Variants in FBXL7 observed in about 807,000 individuals in gnomAD.
FBXL7 encodes F-box and leucine rich repeat protein 7, also known as F-box/LRR-repeat protein 7.
FBXL7 carries 12 observed loss-of-function variants against 38.3 expected under a neutral mutation model. The observed-to-expected ratio is 0.31, with a 90% CI of 0.20 to 0.51. FBXL7 has a LOEUF of 0.51. FBXL7 is among the 20% of genes least tolerant of loss of function. FBXL7 has a pLI of 0.98. For synonymous variants in FBXL7, 297 were observed against 300.9 expected, an observed-to-expected ratio of 0.99 and a Z score of 0.13; for missense variants, 567 against 676.4, an observed-to-expected ratio of 0.84 and a Z score of 1.79.
At chr5:15,663,839 T>G (rs543263859) in intron 2 of FBXL7, among the ~76,000 whole-genome samples, 23 of 152,364 alleles carry the variant, frequency 1.5e-4, no homozygotes, top group African/African-American at 5.3e-4. Flanking sequence ...TAGCGAATTT[T>G]AAGTATACCA....
At chr5:15,848,686 T>C (rs1738998420) in intron 2 of FBXL7, among the ~76,000 whole-genome samples, 2 of 152,212 alleles carry the variant, frequency 1.3e-5, no homozygotes. Flanking sequence ...GGCCGCATGT[T>C]TAATGGAATC....
chr5:15,802,018 T>C (rs866129095), intron 2 of FBXL7, among the ~76,000 whole-genome samples: 4 of 152,078 alleles, frequency 2.6e-5, no homozygotes, highest in Non-Finnish European at 5.9e-5. Context: ...AAGAAAGCCT[T>C]CAACATGAGA....
At chr5:15,693,982 C>T (rs1322487140) in intron 2 of FBXL7, among the ~76,000 whole-genome samples, 1 of 152,174 alleles carries the variant, frequency 6.6e-6, no homozygotes, top group East Asian at 1.9e-4. Flanking sequence ...AGCCCTCTGT[C>T]GTTACAATAA....
intron 1 of FBXL7, among the ~76,000 whole-genome samples, chr5:15,525,812 A>C (rs1433204370): frequency 1.3e-5 from 2 of 152,176 alleles, no homozygotes; most frequent in African/African-American, 4.8e-5. Flanking sequence ...ATTCCAGCCT[A>C]TGGCATCTCT....
intron 2 of FBXL7, among the ~76,000 whole-genome samples, chr5:15,643,452 G>A (rs1450062374): frequency 6.6e-6 from 1 of 152,182 alleles, no homozygotes; most frequent in Non-Finnish European, 1.5e-5. Flanking sequence ...TCCAAGGCAA[G>A]GGCATAGAAA....
chr5:15,630,326 C>G (rs1740957335), intron 2 of FBXL7, among the ~76,000 whole-genome samples: 1 of 152,136 alleles, frequency 6.6e-6, no homozygotes, highest in Non-Finnish European at 1.5e-5. Context: ...CTTTTAACTT[C>G]AATACATTTA....
Position 15,619,290 on chromosome 5 carries a change from G to A in FBXL7, c.127+3218G>A, listed in dbSNP as rs961143734. Among the ~76,000 whole-genome samples the A allele has an allele frequency of 1.2e-4, 19 of 152,130 alleles. 1 individual carries two copies. Among genetic ancestry groups the A allele is most frequent in the Non-Finnish European group, 1.5e-5 (1 of 68,016 alleles). ...CTGTATTCAGTTAACAACTTTTAAT[G>A]TTAACAGGTGTGGACCATCAGGAGA... On this transcript the variant is annotated intron_variant, in intron 2 of 3. Transcript: ENST00000504595.
chr5:15,702,218 CAAAGCGAGACTCCTCTCAA>C (rs1561091731), intron 2 of FBXL7, among the ~76,000 whole-genome samples: 1 of 130,546 alleles, frequency 7.7e-6, no homozygotes, highest in African/African-American at 2.9e-5. Context: ...AGCCTGGAAA[CAAAGCGAGACTCCTCTCAA>C]AAAAAAAAAA....
At chr5:15,660,754 G>A (rs190287583) in intron 2 of FBXL7, among the ~76,000 whole-genome samples, 6 of 152,216 alleles carry the variant, frequency 3.9e-5, no homozygotes, top group Admixed American at 3.3e-4. Flanking sequence ...TTAATTTAAT[G>A]TTATTACTAC....
At chr5:15,515,284 C>G (rs968169814) in intron 1 of FBXL7, among the ~76,000 whole-genome samples, 5 of 152,174 alleles carry the variant, frequency 3.3e-5, no homozygotes, top group Admixed American at 3.3e-4. Context: ...TGAGGAAATT[C>G]AAATTCTGTG....
intron 2 of FBXL7, among the ~76,000 whole-genome samples, chr5:15,685,567 C>T (rs185171548): frequency 1.7e-4 from 26 of 152,254 alleles, no homozygotes; most frequent in African/African-American, 5.3e-4. Context: ...TCTATTTCTA[C>T]AATACTGGCA....
rs529807245 is a variant in FBXL7 at position 15,530,115 on chromosome 5, G to T, written c.37+29402G>T. ...CTGGAGAAGGTACAGCAGAATGATA[G>T]AAACAACTTTGTTCCCTGTGGTAAT... On this transcript the variant is annotated intron_variant, in intron 1 of 3. Transcript: ENST00000504595. Among the ~76,000 whole-genome samples, 13 of 152,304 alleles carry T rather than the reference G, an allele frequency of 8.5e-5. No homozygotes were observed. The East Asian group carries it at 2.5e-3, about 29-fold the overall frequency.
At chr5:15,578,279 C>A (rs1348758347) in intron 1 of FBXL7, among the ~76,000 whole-genome samples, 1 of 151,876 alleles carries the variant, frequency 6.6e-6, no homozygotes, top group East Asian at 1.9e-4. Flanking sequence ...TTTGAAATAA[C>A]GAATGTATTT....
At position 15,737,115 on chromosome 5, in the gene FBXL7, C is replaced by G. The variant is rs551095897; in HGVS notation, c.127+121043C>G. ...CAGCATTTAAGATTTGAGCCCCAGC[C>G]CCCTCATTCCAGAATCCTCTTAATC... On this transcript the variant is annotated intron_variant, in intron 2 of 3. Transcript: ENST00000504595. 6.1e-4 allele frequency among the ~76,000 whole-genome samples: 93 copies of G among 152,236 alleles called. 1 individual carries two copies. Among genetic ancestry groups the G allele is most frequent in the African/African-American group, 2.1e-3 (89 of 41,556 alleles).
At chr5:15,888,197 TTTA>T (rs1368926263) in intron 2 of FBXL7, among the ~76,000 whole-genome samples, 1 of 10,536 alleles carries the variant, frequency 9.5e-5, no homozygotes, top group Non-Finnish European at 3.8e-4. Context: ...TAAACACCAC[TTTA>T]TTTATTTATT....
chr5:15,759,315 A>G (rs978695496), intron 2 of FBXL7, among the ~76,000 whole-genome samples: 2 of 152,194 alleles, frequency 1.3e-5, no homozygotes, highest in African/African-American at 4.8e-5. Flanking sequence ...ATCCAGTCCT[A>G]TTAAATAATT....
chr5:15,789,216 G>C (rs920393546), intron 2 of FBXL7, among the ~76,000 whole-genome samples: 1 of 151,316 alleles, frequency 6.6e-6, no homozygotes, highest in African/African-American at 2.4e-5. Context: ...CTTTTTTTTT[G>C]TTGTTGTTAG....
At chr5:15,676,025 C>G (rs1742643036) in intron 2 of FBXL7, among the ~76,000 whole-genome samples, 1 of 152,192 alleles carries the variant, frequency 6.6e-6, no homozygotes, top group Non-Finnish European at 1.5e-5. Context: ...ATCATGTCCT[C>G]CATATCATTG....
At chr5:15,834,604 G>A (rs928061400) in intron 2 of FBXL7, among the ~76,000 whole-genome samples, 8 of 152,112 alleles carry the variant, frequency 5.3e-5, no homozygotes, top group Non-Finnish European at 1.0e-4. Context: ...CTCTGAACCC[G>A]ATAGAGGAGA....
Sources: allele counts gnomAD v4.1 joint callset (sites outside exome capture counted in the v4.1 genomes callset), GRCh38; gene constraint gnomAD v4.1.1; transcripts MANE v1.5; gene names NCBI Gene and HGNC (gene_info 2026-07-23, HGNC 2026-07-21).